LRRC7: variants seen among roughly 807,000 people sequenced by gnomAD.
LRRC7 encodes leucine-rich repeat-containing protein 7.
A neutral mutation model predicts 175.7 loss-of-function variants in LRRC7; 23 were observed. The ratio of observed to expected loss-of-function variants is 0.13; its 90% CI spans 0.09 to 0.19. The LOEUF (loss-of-function observed/expected upper bound fraction) is 0.19. LRRC7 is among the 10% of genes least tolerant of loss of function. The probability of loss-of-function intolerance (pLI) is 1.00; values close to 1 mark genes in which losing one functional copy is unlikely to be tolerated. For synonymous variants in LRRC7, 685 were observed against 680.9 expected (o/e 1.01, Z -0.09); for missense variants, 1,354 against 1,904.7 (o/e 0.71, Z 5.38).
chr1:70,046,820 ATT>A lies in LRRC7; in HGVS notation c.4110+2728_4110+2729del, dbSNP rs1660367322. ...TCTTGTACAGAGCTTTCATTTGAAAATTTGTTAGGTTTTTCTGCCACACTCTA... is the reference window on the plus strand; with the variant it reads ...TCTTGTACAGAGCTTTCATTTGAAAATGTTAGGTTTTTCTGCCACACTCTA... On this transcript the variant is annotated intron_variant, in intron 22 of 26. Coordinates refer to ENST00000651989, the MANE Select transcript of LRRC7 (RefSeq NM_001370785.2). Among the ~76,000 whole-genome samples, 3 of 151,952 alleles carry A rather than the reference ATT, an allele frequency of 2.0e-5. No homozygotes were observed. In the South Asian group the frequency reaches 6.2e-4, roughly 32 times the overall value.
intron 2 of LRRC7, among the ~76,000 whole-genome samples, chr1:69,713,572 A>T (rs780742703): frequency 2.5e-4 from 38 of 152,044 alleles, no homozygotes; most frequent in Non-Finnish European, 3.5e-4. Flanking sequence ...CTGCCATTTT[A>T]CAGAAAAAGA....
At chr1:69,785,039 T>G (rs1674244207) in intron 3 of LRRC7, among the ~76,000 whole-genome samples, 1 of 152,174 alleles carries the variant, frequency 6.6e-6, no homozygotes, top group South Asian at 2.1e-4. Context: ...TTGAGCTCAG[T>G]GTTCTATATG....
In LRRC7 at chr1:70,136,721, CTTTTTTTTTTT is replaced by C. The variant is rs1204650835; in HGVS notation, c.*14848_*14858del. Among the ~76,000 whole-genome samples, 46 of 98,340 alleles carry C rather than the reference CTTTTTTTTTTT, an allele frequency of 4.7e-4. No individual in the cohort carries two copies. The highest frequency in any genetic ancestry group is 2.5e-3 in the South Asian group (6 of 2,396). The allele number at this position is 98,340 out of a possible 152,430, so 64.5% of individuals were successfully genotyped here. The stretch of plus-strand genomic sequence containing the variant: ...TTCTGCTTTATTGCTTTTTTAATGC[CTTTTTTTTTTT>C]TTTTTTTTTTTTTCTGAGACAGGGT... On this transcript the variant is annotated 3_prime_UTR_variant, in exon 27 of 27. Coordinates refer to ENST00000651989, the MANE Select transcript of LRRC7 (RefSeq NM_001370785.2).
At chr1:69,828,472 T>A (rs948359781) in intron 5 of LRRC7, among the ~76,000 whole-genome samples, 1 of 152,124 alleles carries the variant, frequency 6.6e-6, no homozygotes, top group African/African-American at 2.4e-5. Context: ...TTTTAGCCAG[T>A]GTAGTAGAAA....
intron 8 of LRRC7, among the ~76,000 whole-genome samples, chr1:69,963,040 C>G (rs531137684): frequency 5.1e-4 from 77 of 151,940 alleles, no homozygotes; most frequent in African/African-American, 1.8e-3. Context: ...CGCGGTGGCT[C>G]CTGCCTGTAA....
intron 24 of LRRC7, among the ~76,000 whole-genome samples, chr1:70,089,114 A>T (rs1170762175): frequency 6.6e-6 from 1 of 151,600 alleles, no homozygotes; most frequent in African/African-American, 2.4e-5. Flanking sequence ...CCTAACTCCT[A>T]CTCCAGGAGC....
In LRRC7 at chr1:70,108,182, GA is replaced by G. The variant is rs1665273399; in HGVS notation, c.4620+357del. 2.6e-5 allele frequency among the ~76,000 whole-genome samples: 4 copies of G among 151,756 alleles called. No homozygotes were observed. The South Asian group carries it at 8.3e-4, about 31-fold the overall frequency. On this transcript the variant is annotated intron_variant, in intron 26 of 26. Transcript: ENST00000651989. ...AACACAGTATGTGTGTGACTTTCAT[GA>G]GGGAGAAGGAACTGGTCCATATTTA...
chr1:69,793,663 A>G (rs1675388578), intron 4 of LRRC7, among the ~76,000 whole-genome samples: 2 of 151,778 alleles, frequency 1.3e-5, no homozygotes, highest in Non-Finnish European at 2.9e-5. Context: ...AAACTGACCC[A>G]CTGTGTATTT....
intron 4 of LRRC7, among the ~76,000 whole-genome samples, chr1:69,816,340 T>C (rs933746557): frequency 6.6e-6 from 1 of 152,150 alleles, no homozygotes; most frequent in Non-Finnish European, 1.5e-5. Flanking sequence ...CATGACCTAA[T>C]TATCTCCAAA....
intron 7 of LRRC7, among the ~76,000 whole-genome samples, chr1:69,899,782 C>T (rs930672418): frequency 7.2e-5 from 11 of 152,260 alleles, no homozygotes; most frequent in Admixed American, 6.5e-5. Flanking sequence ...GTTTTAAAAG[C>T]GGCTTCGTGC....
intron 12 of LRRC7, among the ~76,000 whole-genome samples, chr1:70,012,373 G>A (rs1011728628): frequency 6.6e-6 from 1 of 151,062 alleles, no homozygotes; most frequent in Non-Finnish European, 1.5e-5. Flanking sequence ...ACATCTAAGT[G>A]GGATTTTACT....
chr1:69,979,652 C>G (rs978049896), intron 8 of LRRC7, among the ~76,000 whole-genome samples: 3 of 151,924 alleles, frequency 2.0e-5, no homozygotes, highest in Non-Finnish European at 4.4e-5. Context: ...AGGCATGTAC[C>G]GCATTGTACA....
chr1:69,781,733 A>AAGAGAGAG lies in LRRC7; in HGVS notation c.304-10284_304-10277dup, dbSNP rs755676231. On this transcript the variant is annotated intron_variant, in intron 3 of 26. Coordinates refer to ENST00000651989, the MANE Select transcript of LRRC7 (RefSeq NM_001370785.2). ...AAAGAAAGAAAGAAAGAAAGAAAGA[A>AAGAGAGAG]AGAGAGAGAGAGAGAGAGAGAGAGA... 6.8e-4 allele frequency among the ~76,000 whole-genome samples: 16 copies of AAGAGAGAG among 23,544 alleles called. 3 individuals carry two copies. The highest frequency in any genetic ancestry group is 1.9e-3 in the East Asian group (1 of 522). 15.4% of individuals were successfully genotyped at this position (23,544 alleles called of 152,430 possible).
chr1:69,651,795 G>T (rs11209508), intron 1 of LRRC7, among the ~76,000 whole-genome samples: 15,861 of 152,068 alleles, frequency 0.1, 984 homozygotes, highest in African/African-American at 0.18. Context: ...AGTGGAACAT[G>T]CATGTAAAGT....
chr1:69,887,877 G>T (rs28884903), intron 7 of LRRC7, among the ~76,000 whole-genome samples: 3,146 of 145,002 alleles, frequency 0.022, 116 homozygotes, highest in African/African-American at 0.076. Context: ...ATACCCTGCT[G>T]TGTGAGGTGT....
chr1:69,707,380 C>G (rs534897750), intron 2 of LRRC7, among the ~76,000 whole-genome samples: 4 of 152,244 alleles, frequency 2.6e-5, no homozygotes, highest in Middle Eastern at 6.8e-3. Context: ...AGGCATATTC[C>G]ACAGTGTCTG....
chr1:69,845,070 C>T (rs966467860), intron 7 of LRRC7, among the ~76,000 whole-genome samples: 2 of 151,800 alleles, frequency 1.3e-5, no homozygotes, highest in African/African-American at 2.4e-5. Flanking sequence ...GGCAACAGAG[C>T]GAGGCCCTGT....
chr1:69,686,100 A>G (rs776818922), intron 2 of LRRC7, among the ~76,000 whole-genome samples: 65 of 152,180 alleles, frequency 4.3e-4, no homozygotes, highest in Non-Finnish European at 4.6e-4. Flanking sequence ...GAAATGACAT[A>G]CAAGATTTTC....
At chr1:69,590,377 A>T (rs563825459) in intron 1 of LRRC7, among the ~76,000 whole-genome samples, 4 of 152,298 alleles carry the variant, frequency 2.6e-5, no homozygotes, top group Admixed American at 2.0e-4. Flanking sequence ...ACAAGTTAAC[A>T]TCTTAATCTT....
Sources: allele counts gnomAD v4.1 joint callset (sites outside exome capture counted in the v4.1 genomes callset), GRCh38; gene constraint gnomAD v4.1.1; transcripts MANE v1.5; gene names NCBI Gene and HGNC (gene_info 2026-07-23, HGNC 2026-07-21).